ATP5PB: variants seen among roughly 807,000 people sequenced by gnomAD.
ATP5PB encodes ATP synthase peripheral stalk-membrane subunit b.
In ATP5PB, 21 loss-of-function variants were observed where a neutral mutation model predicts 34.5. That is an observed-to-expected ratio of 0.61 (90% confidence interval 0.43 to 0.88). The LOEUF (loss-of-function observed/expected upper bound fraction) is 0.88. Ranked by LOEUF, ATP5PB falls within the 40% of genes least tolerant of loss-of-function variation. The probability of loss-of-function intolerance (pLI) is 0.00; values close to 1 mark genes in which losing one functional copy is unlikely to be tolerated. For synonymous variants in ATP5PB, 108 were observed against 114.1 expected (o/e 0.95, Z 0.34); for missense variants, 293 against 317.4 (o/e 0.92, Z 0.58).
intron 3 of ATP5PB, 79 bp downstream of exon 3, chr1:111,454,435 G>GTT: frequency 6.8e-7 from 1 of 1,475,016 alleles, no homozygotes; most frequent in South Asian, 1.4e-5. Context: ...TTCTTCTTTG[G>GTT]TTTTTGTTGT....
intron 5 of ATP5PB, among the ~76,000 whole-genome samples, chr1:111,457,172 G>C (rs1285581215): frequency 2.0e-5 from 3 of 152,136 alleles, no homozygotes; most frequent in African/African-American, 7.2e-5. Flanking sequence ...AGCAGGCAGG[G>C]CACAGTGGCT....
At chr1:111,451,772 A>C (rs1203202014) in intron 2 of ATP5PB, among the ~76,000 whole-genome samples, 1 of 151,962 alleles carries the variant, frequency 6.6e-6, no homozygotes, top group East Asian at 1.9e-4. Context: ...TGTTTTTGAG[A>C]GCTGTTAAGT....
At position 111,454,236 on chromosome 1, in the gene ATP5PB, C is replaced by G; in HGVS notation, c.103C>G (p.His35Asp). 1 of 1,603,412 alleles carries G rather than the reference C, an allele frequency of 6.2e-7. No homozygotes were observed. Among genetic ancestry groups the G allele is most frequent in the Non-Finnish European group, 8.5e-7 (1 of 1,176,742 alleles). Residue 35 changes from histidine (H) to aspartate (D), a missense_variant, in exon 3 of 7, where the codon CAT becomes GAT. Physicochemically the swap from His to Asp is moderately conservative, Grantham distance 81. Coordinates refer to ENST00000369722, the MANE Select transcript of ATP5PB (RefSeq NM_001688.5). ...PGVLQATRTFHTGQPHLVPVP... is the reference protein window; with the variant it reads ...PGVLQATRTFDTGQPHLVPVP... ...GGTATTGCAGGCAACAAGGACCTTT[C>G]ATACAGGGCAGCCACACCTTGTCCC...
intron 2 of ATP5PB, among the ~76,000 whole-genome samples, chr1:111,453,548 T>A (rs577259437): frequency 6.6e-6 from 1 of 152,258 alleles, no homozygotes; most frequent in East Asian, 1.9e-4. Flanking sequence ...GTTCCAAGAA[T>A]GTATGTATCA....
chr1:111,450,840 C>G (rs1303223512), intron 2 of ATP5PB, among the ~76,000 whole-genome samples: 2 of 152,126 alleles, frequency 1.3e-5, no homozygotes, highest in Non-Finnish European at 2.9e-5. Context: ...GGACCCCATA[C>G]AGACTGGTAA....
chr1:111,451,014 A>G (rs528284916), intron 2 of ATP5PB, among the ~76,000 whole-genome samples: 30 of 152,314 alleles, frequency 2.0e-4, no homozygotes, highest in African/African-American at 6.3e-4. Flanking sequence ...AGGAACCACT[A>G]TAAACTTTCA....
intron 2 of ATP5PB, among the ~76,000 whole-genome samples, chr1:111,451,714 A>C (rs938214299): frequency 6.6e-6 from 1 of 152,186 alleles, no homozygotes; most frequent in Admixed American, 6.5e-5. Flanking sequence ...AGGGCATACA[A>C]GGCAGAAGGA....
In ATP5PB at chr1:111,462,032, A is replaced by C. The variant is rs1353155967; in HGVS notation, c.*1038A>C. 1.3e-5 allele frequency: 2 copies of C among 152,194 alleles called. No individual in the cohort carries two copies. Among genetic ancestry groups the C allele is most frequent in the Non-Finnish European group, 2.9e-5 (2 of 68,040 alleles). The allele number at this position is 152,194 out of a possible 1,614,324, so 9.4% of individuals were successfully genotyped here. On this transcript the variant is annotated 3_prime_UTR_variant, in exon 7 of 7. Coordinates refer to ENST00000369722, the MANE Select transcript of ATP5PB (RefSeq NM_001688.5). ...ATATGAAATGGTACAGCCATTATGG[A>C]AAAGTGTGGTGATTCCTCATAAAAT...
chr1:111,454,363 A>C lies in ATP5PB; in HGVS notation c.223+7A>C. 1 of 1,588,516 alleles carries C rather than the reference A, an allele frequency of 6.3e-7. No homozygotes were observed. Among genetic ancestry groups the C allele is most frequent in the Non-Finnish European group, 8.5e-7 (1 of 1,170,246 alleles). On this transcript the variant is annotated splice_region_variant and intron_variant, in intron 3 of 6. Coordinates refer to ENST00000369722, the MANE Select transcript of ATP5PB (RefSeq NM_001688.5). ...CCTAAAACTGGTGTAACAGGTGAGC[A>C]TTTTTGCCTAGTCTCTGGTAATATG...
intron 6 of ATP5PB, among the ~76,000 whole-genome samples, chr1:111,460,166 AAAAT>A (rs1653577035): frequency 6.6e-6 from 1 of 152,214 alleles, no homozygotes; most frequent in African/African-American, 2.4e-5. Flanking sequence ...CCTGCCTCAA[AAAAT>A]AAATAAAAGA....
chr1:111,450,164 A>G (rs1375224762), intron 2 of ATP5PB, among the ~76,000 whole-genome samples: 1 of 152,202 alleles, frequency 6.6e-6, no homozygotes, highest in Non-Finnish European at 1.5e-5. Flanking sequence ...TTGGGACCTT[A>G]TGACATGTAG....
chr1:111,451,194 C>T (rs181947415), intron 2 of ATP5PB, among the ~76,000 whole-genome samples: 3 of 152,312 alleles, frequency 2.0e-5, no homozygotes, highest in East Asian at 1.9e-4. Flanking sequence ...GAAGGTCCAA[C>T]ATGAATTGAT....
At chr1:111,454,623 T>G (rs1054231746) in intron 3 of ATP5PB, among the ~76,000 whole-genome samples, 1 of 152,078 alleles carries the variant, frequency 6.6e-6, no homozygotes, top group Non-Finnish European at 1.5e-5. Flanking sequence ...TCTATTTTTT[T>G]GTAGAGACGG....
chr1:111,461,154 A>G lies in ATP5PB; in HGVS notation c.*160A>G, dbSNP rs997858477. The G allele has an allele frequency of 1.7e-6, 1 of 602,024 alleles. No homozygotes were observed. The highest frequency in any genetic ancestry group is 3.0e-6 in the Non-Finnish European group (1 of 338,290). The allele number at this position is 602,024 out of a possible 1,614,324, so 37.3% of individuals were successfully genotyped here. On this transcript the variant is annotated 3_prime_UTR_variant, in exon 7 of 7. Transcript: ENST00000369722. ...CATATAGTGAGAGAACGAAATCTCT[A>G]TCGGCCAGTCAGATGTTTCTCATCC...
rs753444275 is a variant in ATP5PB at position 111,454,197 on chromosome 1, A to G, written c.78-14A>G. 3.0e-5 allele frequency: 46 copies of G among 1,558,498 alleles called. No homozygotes were observed. The highest frequency in any genetic ancestry group is 3.8e-5 in the Non-Finnish European group (44 of 1,158,790). On this transcript the variant is annotated splice_polypyrimidine_tract_variant and intron_variant, in intron 2 of 6. Coordinates refer to ENST00000369722, the MANE Select transcript of ATP5PB (RefSeq NM_001688.5). The stretch of plus-strand genomic sequence containing the variant: ...AAGAAACAGGCTTTACATTTGTACA[A>G]TTACTACCTGTAGGGTATTGCAGGC...
intron 3 of ATP5PB, among the ~76,000 whole-genome samples, chr1:111,454,886 C>T (rs1653429382): frequency 6.6e-6 from 1 of 152,190 alleles, no homozygotes; most frequent in South Asian, 2.1e-4. Context: ...TTGATGCCTG[C>T]TTTATGCCAG....
chr1:111,449,975 C>G lies in ATP5PB; in HGVS notation c.77+102C>G, dbSNP rs571515889. 497 of 1,502,182 alleles carry G rather than the reference C, an allele frequency of 3.3e-4. 1 individual carries two copies. The highest frequency in any genetic ancestry group is 4.4e-4 in the Non-Finnish European group (482 of 1,083,178). The allele number at this position is 1,502,182 out of a possible 1,614,324, so 93.1% of individuals were successfully genotyped here. On this transcript the variant is annotated intron_variant, in intron 2 of 6. Transcript: ENST00000369722. ...TAGCTTTAGGTCAGAAATTTCTTTCCGATAATTTTGGGACACTTAAACCCT... is the reference window on the plus strand; with the variant it reads ...TAGCTTTAGGTCAGAAATTTCTTTCGGATAATTTTGGGACACTTAAACCCT...
chr1:111,456,524 G>A (rs528404277), intron 4 of ATP5PB, 106 bp from the exon 5 acceptor site: 13 of 1,391,384 alleles, frequency 9.3e-6, no homozygotes, highest in African/African-American at 7.4e-5. Flanking sequence ...TTCTTTGTGG[G>A]TGTTTTTACA....
chr1:111,458,316 G>A (rs1264537587), intron 5 of ATP5PB, among the ~76,000 whole-genome samples: 2 of 152,154 alleles, frequency 1.3e-5, no homozygotes, highest in Non-Finnish European at 1.5e-5. Flanking sequence ...GACCAGCCTG[G>A]GCAACATAGA....
Sources: gnomAD v4.1 joint callset for allele counts (sites outside exome capture counted in the v4.1 genomes callset) on GRCh38, gnomAD v4.1.1 for gene constraint, MANE v1.5 for transcripts, NCBI Gene and HGNC (gene_info 2026-07-23, HGNC 2026-07-21) for gene names.